The following UNC13C variants were observed in gnomAD, a reference collection of about 807,000 sequenced individuals.
UNC13C encodes the protein unc-13 homolog C.
In UNC13C, 174 loss-of-function variants were observed where a neutral mutation model predicts 245.4. The ratio of observed to expected loss-of-function variants is 0.71; its 90% CI spans 0.63 to 0.80. UNC13C has a LOEUF of 0.80. UNC13C is among the 30% of genes least tolerant of loss of function. The pLI is 0.00. For missense variants in UNC13C, 2,829 were observed against 2,602.9 expected, an observed-to-expected ratio of 1.09 and a Z score of -1.89; for synonymous variants, 992 against 895.1, an observed-to-expected ratio of 1.11 and a Z score of -1.93.
chr15:54,378,898 C>G (rs938645350), intron 17 of UNC13C, among the ~76,000 whole-genome samples: 1 of 151,948 alleles, frequency 6.6e-6, no homozygotes, highest in Non-Finnish European at 1.5e-5. Context: ...TTAAAAACCA[C>G]TTAGAGTGCT....
At chr15:54,044,421 A>G in intron 2 of UNC13C, 1 of 338,398 alleles carries the variant, frequency 3.0e-6, no homozygotes. Flanking sequence ...ACATATATTT[A>G]AAGTTTCCTT....
chr15:54,159,648 A>G (rs571992537), intron 4 of UNC13C, among the ~76,000 whole-genome samples: 1 of 152,336 alleles, frequency 6.6e-6, no homozygotes, highest in Admixed American at 6.5e-5. Context: ...ACACTTGGAC[A>G]TTGGAACTAG....
At chr15:54,624,144 T>TATCA (rs1900988849) in intron 32 of UNC13C, among the ~76,000 whole-genome samples, 190 bp downstream of exon 32, 1 of 152,178 alleles carries the variant, frequency 6.6e-6, no homozygotes, top group Admixed American at 6.6e-5. Flanking sequence ...TAGGTGTATA[T>TATCA]ATCATAGGAG....
At chr15:53,863,505 G>T in the UNC13C span, among the ~76,000 whole-genome samples, 141,372 of 152,262 alleles carry the variant, frequency 0.93, 66,335 homozygotes, top group East Asian at 1. Context: ...TTGTTATACA[G>T]GCACAACAGA....
At chr15:54,587,746 G>A (rs2141249545) in intron 30 of UNC13C, among the ~76,000 whole-genome samples, 1 of 152,200 alleles carries the variant, frequency 6.6e-6, no homozygotes, top group South Asian at 2.1e-4. Context: ...CCAACTCTCT[G>A]ATTCTCTACC....
the UNC13C span, among the ~76,000 whole-genome samples, chr15:53,941,056 T>C: frequency 3.9e-5 from 4 of 103,310 alleles, no homozygotes; most frequent in African/African-American, 1.4e-4. Context: ...CTTCAAACTA[T>C]ACTACAAGGC....
intron 4 of UNC13C, among the ~76,000 whole-genome samples, chr15:54,164,615 G>A (rs2141272849): frequency 6.6e-6 from 1 of 152,334 alleles, no homozygotes; most frequent in South Asian, 2.1e-4. Flanking sequence ...TGCTCTGTCA[G>A]TTCAGCCGGG....
At chr15:53,854,116 T>C in the UNC13C span, among the ~76,000 whole-genome samples, 1 of 139,664 alleles carries the variant, frequency 7.2e-6, no homozygotes, top group African/African-American at 2.6e-5. Flanking sequence ...CCCAGGGTTT[T>C]TATAGGTTTT....
At chr15:53,932,376 C>A in the UNC13C span, among the ~76,000 whole-genome samples, 1 of 151,972 alleles carries the variant, frequency 6.6e-6, no homozygotes, top group Non-Finnish European at 1.5e-5. Context: ...AAGTGACAGA[C>A]CAAAATGTTT....
chr15:54,510,596 TA>T (rs2141115607), intron 23 of UNC13C, among the ~76,000 whole-genome samples: 1 of 152,058 alleles, frequency 6.6e-6, no homozygotes, highest in South Asian at 2.1e-4. Flanking sequence ...ATTGTTTGCA[TA>T]AATCAAAGTG....
chr15:54,325,541 C>T (rs1302054905), intron 14 of UNC13C, among the ~76,000 whole-genome samples: 1 of 151,948 alleles, frequency 6.6e-6, no homozygotes, highest in East Asian at 1.9e-4. Flanking sequence ...GGTGTTTCTC[C>T]TAATGCTATC....
chr15:54,338,279 T>C, intron 16 of UNC13C, 82 bp from the exon 17 acceptor site: 3 of 1,399,478 alleles, frequency 2.1e-6, no homozygotes, highest in African/African-American at 2.8e-5. Context: ...AAAGTATTTA[T>C]TGAATATATA....
intron 17 of UNC13C, among the ~76,000 whole-genome samples, chr15:54,373,754 C>A (rs764837935): frequency 2.6e-5 from 4 of 152,224 alleles, no homozygotes; most frequent in Non-Finnish European, 4.4e-5. Flanking sequence ...ACATGGTGAG[C>A]AAGGGGCATG....
chr15:54,496,650 A>T (rs113896096), intron 20 of UNC13C, among the ~76,000 whole-genome samples: 20,542 of 152,104 alleles, frequency 0.14, 1,421 homozygotes, highest in Non-Finnish European at 0.16. Context: ...AAAGGAATGA[A>T]ATAATGACAT....
chr15:54,612,991 T>C lies in UNC13C; in HGVS notation c.6107-9336T>C, dbSNP rs749571281. Among the ~76,000 whole-genome samples, 24 of 151,944 alleles carry C rather than the reference T, an allele frequency of 1.6e-4. 1 individual carries two copies. The highest frequency in any genetic ancestry group is 9.2e-4 in the Admixed American group (14 of 15,254). On this transcript the variant is annotated intron_variant, in intron 30 of 32. Transcript: ENST00000260323. ...AATTTTGTGCTTGCCATGTCACTAT[T>C]ATTTAGAGGTTATATTCACATAAAA...
chr15:54,311,114 G>GA (rs777944788), intron 13 of UNC13C, among the ~76,000 whole-genome samples: 53 of 151,664 alleles, frequency 3.5e-4, no homozygotes, highest in Non-Finnish European at 6.3e-4. Context: ...CCAAACTGGG[G>GA]AAAAAATTAT....
At chr15:54,430,763 C>G (rs531262051) in intron 19 of UNC13C, among the ~76,000 whole-genome samples, 56 of 151,840 alleles carry the variant, frequency 3.7e-4, no homozygotes, top group Admixed American at 2.6e-3. Context: ...TCAGGAATTT[C>G]AAGAACTAGA....
chr15:54,278,782 C>T (rs541958336), intron 10 of UNC13C, among the ~76,000 whole-genome samples: 1 of 152,068 alleles, frequency 6.6e-6, no homozygotes, highest in Non-Finnish European at 1.5e-5. Context: ...ACATTTGACC[C>T]TTTTGACCTA....
chr15:54,280,811 A>G (rs1013834319), intron 10 of UNC13C, among the ~76,000 whole-genome samples: 3 of 150,142 alleles, frequency 2.0e-5, no homozygotes, highest in Non-Finnish European at 4.4e-5. Flanking sequence ...CTTTTTAAAA[A>G]AATTGTGACA....
Sources: gnomAD v4.1 joint callset for allele counts (sites outside exome capture counted in the v4.1 genomes callset) on GRCh38, gnomAD v4.1.1 for gene constraint, MANE v1.5 for transcripts, NCBI Gene and HGNC (gene_info 2026-07-23, HGNC 2026-07-21) for gene names.